NDUFV3: variants seen among roughly 807,000 people sequenced by gnomAD.
NDUFV3 encodes the protein NADH:ubiquinone oxidoreductase subunit V3, also known as NADH dehydrogenase [ubiquinone] flavoprotein 3, mitochondrial.
In NDUFV3, 44 loss-of-function variants were observed where a neutral mutation model predicts 37.5. The ratio of observed to expected loss-of-function variants is 1.17; its 90% confidence interval spans 0.92 to 1.51. The LOEUF (loss-of-function observed/expected upper bound fraction) is 1.51. NDUFV3 is among the 40% of genes most tolerant of loss of function. The pLI is 0.00. For missense variants in NDUFV3, 580 were observed against 580.4 expected, an observed-to-expected ratio of 1.00 and a Z score of 0.01; for synonymous variants, 235 against 239.3, an observed-to-expected ratio of 0.98 and a Z score of 0.17.
Position 42,908,977 on chromosome 21 carries a change from A to C in NDUFV3, c.1378A>C (p.Arg460=). The change falls in exon 4 of 4, where the codon AGG becomes CGG. Residue 460 remains arginine (R), a synonymous_variant. Transcript: ENST00000354250. ...CCTCAACCTCGAACTCTCAAAATTC[A>C]GGATGCCTCAGCCCTCCTCAGGCCG... The part of the protein sequence containing the change: ...LDLNLELSKF[R]MPQPSSGRES... 1 of 1,614,076 alleles carries C rather than the reference A, an allele frequency of 6.2e-7. No individual in the cohort carries two copies. Among genetic ancestry groups the C allele is most frequent in the Non-Finnish European group, 8.5e-7 (1 of 1,180,022 alleles).
intron 2 of NDUFV3, among the ~76,000 whole-genome samples, chr21:42,898,834 CT>C (rs2058705988): frequency 6.6e-6 from 1 of 152,238 alleles, no homozygotes; most frequent in South Asian, 2.1e-4. Context: ...AATTTCATTG[CT>C]AACATTATCC....
At chr21:42,896,372 A>G (rs551600830) in intron 1 of NDUFV3, among the ~76,000 whole-genome samples, 16 of 150,580 alleles carry the variant, frequency 1.1e-4, no homozygotes, top group Non-Finnish European at 2.1e-4. Flanking sequence ...TAGCCAGGAT[A>G]GTCTCGATCT....
rs2146158748 is a variant in NDUFV3, at chr21:42,903,219, C to A, written c.207C>A (p.Ala69=). The stretch of plus-strand genomic sequence containing the variant: ...CAAAGGAGAGGGGCAAGCTCCTAGC[C>A]ACCCAGACAGCAGCTGAATTGTCTA... ...VEPKERGKLL[A]TQTAAELSKN... is the part of the protein sequence containing the mutation. The change falls in exon 3 of 4, where the codon GCC becomes GCA. Residue 69 remains alanine, a synonymous_variant. Coordinates refer to ENST00000354250, the MANE Select transcript of NDUFV3 (RefSeq NM_021075.4). 6.2e-7 allele frequency: 1 copy of A among 1,614,180 alleles called. No individual in the cohort carries two copies. The highest frequency in any genetic ancestry group is 8.5e-7 in the Non-Finnish European group (1 of 1,180,038).
At chr21:42,893,934 C>T (rs2146142115) in intron 1 of NDUFV3, among the ~76,000 whole-genome samples, 1 of 152,264 alleles carries the variant, frequency 6.6e-6, no homozygotes, top group South Asian at 2.1e-4. Context: ...CAAGGCCGGG[C>T]GCGGACACTT....
At chr21:42,900,728 C>T (rs1156951668) in intron 2 of NDUFV3, among the ~76,000 whole-genome samples, 2 of 152,216 alleles carry the variant, frequency 1.3e-5, no homozygotes, top group African/African-American at 4.8e-5. Flanking sequence ...GTACCCAAAG[C>T]TCTCATCCTT....
Position 42,903,943 on chromosome 21 carries a change from G to A in NDUFV3, c.931G>A (p.Val311Met). The A allele has an allele frequency of 6.2e-7, 1 of 1,613,404 alleles. No individual in the cohort carries two copies. The highest frequency in any genetic ancestry group is 2.2e-5 in the East Asian group (1 of 44,888). ...APPKGSPAPA[V>M]LAEEARAEGQ... ...ACCGAAGGGCAGCCCAGCGCCTGCTGTGTTGGCAGAAGAGGCCAGAGCAGA... is the reference window on the plus strand; with the variant it reads ...ACCGAAGGGCAGCCCAGCGCCTGCTATGTTGGCAGAAGAGGCCAGAGCAGA... Residue 311 changes from valine (V) to methionine (M), a missense_variant, in exon 3 of 4, where the codon GTG becomes ATG. Coordinates refer to ENST00000354250, the MANE Select transcript of NDUFV3 (RefSeq NM_021075.4).
chr21:42,905,195 G>A (rs2058736014), intron 3 of NDUFV3, among the ~76,000 whole-genome samples: 2 of 152,314 alleles, frequency 1.3e-5, no homozygotes, highest in African/African-American at 2.4e-5. Context: ...GACTTTTGAA[G>A]GTGTCCAAGT....
chr21:42,902,462 A>T (rs2058721351), intron 2 of NDUFV3, among the ~76,000 whole-genome samples: 1 of 152,124 alleles, frequency 6.6e-6, no homozygotes, highest in Non-Finnish European at 1.5e-5. Context: ...TTTACTTTTG[A>T]TAGGGGGATC....
At position 42,899,297 on chromosome 21, in the gene NDUFV3, T is replaced by TG. The variant is rs1377141165; in HGVS notation, c.169+2250_169+2251insG. Among the ~76,000 whole-genome samples, 5 of 147,218 alleles carry TG rather than the reference T, an allele frequency of 3.4e-5. No homozygotes were observed. The East Asian group carries it at 9.9e-4, about 29-fold the overall frequency. On this transcript the variant is annotated intron_variant, in intron 2 of 3. Coordinates refer to ENST00000354250, the MANE Select transcript of NDUFV3 (RefSeq NM_021075.4). ...ATCTTGTTTTTTTTTGAGACAGAGT[T>TG]TTGCTCTTTATGCCCAGGCTGGAGT...
At chr21:42,900,563 C>T (rs111288121) in intron 2 of NDUFV3, among the ~76,000 whole-genome samples, 1 of 152,248 alleles carries the variant, frequency 6.6e-6, no homozygotes, top group African/African-American at 2.4e-5. Flanking sequence ...TAAATGGATA[C>T]GTGCAGGCCC....
rs545976996 is a variant in NDUFV3 at position 42,900,178 on chromosome 21, G to C, written c.170-3004G>C. Among the ~76,000 whole-genome samples, 3 of 152,162 alleles carry C rather than the reference G, an allele frequency of 2.0e-5. No homozygotes were observed. In the South Asian group the frequency reaches 6.2e-4, roughly 32 times the overall value. ...TGCACCACTGCTGCACTCCATCCTGGGTGATAGAGTGAGACCCTGTCTCGA... is the reference window on the plus strand; with the variant it reads ...TGCACCACTGCTGCACTCCATCCTGCGTGATAGAGTGAGACCCTGTCTCGA... On this transcript the variant is annotated intron_variant, in intron 2 of 3. Transcript: ENST00000354250.
At chr21:42,896,543 G>A (rs1460980339) in intron 1 of NDUFV3, among the ~76,000 whole-genome samples, 1 of 151,924 alleles carries the variant, frequency 6.6e-6, no homozygotes, top group African/African-American at 2.4e-5. Context: ...CTCCCAAAGT[G>A]CTGGGATTAT....
rs1189330065 is a variant in NDUFV3 at position 42,910,531 on chromosome 21, C to T, written c.*1510C>T. On this transcript the variant is annotated 3_prime_UTR_variant, in exon 4 of 4. Coordinates refer to ENST00000354250, the MANE Select transcript of NDUFV3 (RefSeq NM_021075.4). ...GACGAAGTAGGAAGAGGTGAAGTTT[C>T]GTGCAGTACAGGGACGGAGTAGGAA... The T allele has an allele frequency of 7.0e-6, 1 of 142,560 alleles. No individual in the cohort carries two copies. Among genetic ancestry groups the T allele is most frequent in the Non-Finnish European group, 1.6e-5 (1 of 62,834 alleles). The allele number at this position is 142,560 out of a possible 1,614,324, so 8.8% of individuals were successfully genotyped here. A position where few individuals can be genotyped will look rare whatever the true frequency, so the allele number is the denominator to read the frequency against.
In NDUFV3 at chr21:42,911,493, G is replaced by A. The variant is rs1408444916; in HGVS notation, c.*2472G>A. ...TTTGAGACAGCCTCACTCTTGCCCG[G>A]AGGAGTGGTGCGATCTCAGCTCACT... On this transcript the variant is annotated 3_prime_UTR_variant, in exon 4 of 4. Coordinates refer to ENST00000354250, the MANE Select transcript of NDUFV3 (RefSeq NM_021075.4). 7.5e-6 allele frequency: 1 copy of A among 133,008 alleles called. No individual in the cohort carries two copies. The highest frequency in any genetic ancestry group is 2.9e-5 in the African/African-American group (1 of 34,964). The allele number at this position is 133,008 out of a possible 1,614,324, so 8.2% of individuals were successfully genotyped here. A position where few individuals can be genotyped will look rare whatever the true frequency, so the allele number is the denominator to read the frequency against.
chr21:42,907,213 G>GT (rs1318131531), intron 3 of NDUFV3, among the ~76,000 whole-genome samples: 1 of 152,180 alleles, frequency 6.6e-6, no homozygotes, highest in Non-Finnish European at 1.5e-5. Context: ...TTTAAATGCT[G>GT]TGTTGTTGTT....
intron 3 of NDUFV3, among the ~76,000 whole-genome samples, chr21:42,907,312 G>GTGC (rs2058746171): frequency 6.6e-6 from 1 of 151,980 alleles, no homozygotes; most frequent in Non-Finnish European, 1.5e-5. Context: ...TTTGACAGAC[G>GTGC]TGCTCTGTCC....
intron 3 of NDUFV3, among the ~76,000 whole-genome samples, chr21:42,908,421 C>T (rs920606368): frequency 6.6e-6 from 1 of 152,124 alleles, no homozygotes; most frequent in Non-Finnish European, 1.5e-5. Context: ...CTTTTGTAGG[C>T]TTTTCTTTTT....
intron 1 of NDUFV3, among the ~76,000 whole-genome samples, chr21:42,894,313 A>G (rs1287712220): frequency 1.4e-4 from 11 of 78,776 alleles, no homozygotes; most frequent in African/African-American, 3.0e-4. Flanking sequence ...GCGTGTGTGT[A>G]TATATATATA....
At chr21:42,896,011 T>C (rs2058689263) in intron 1 of NDUFV3, among the ~76,000 whole-genome samples, 1 of 141,028 alleles carries the variant, frequency 7.1e-6, no homozygotes, top group African/African-American at 2.7e-5. Flanking sequence ...CCTGAGACAG[T>C]CTCACTCTGT....
Sources: gnomAD v4.1 joint callset for allele counts (sites outside exome capture counted in the v4.1 genomes callset) on GRCh38, gnomAD v4.1.1 for gene constraint, MANE v1.5 for transcripts, NCBI Gene and HGNC (gene_info 2026-07-23, HGNC 2026-07-21) for gene names.